The following LOC128706666 variants were observed in gnomAD, a reference collection of about 807,000 sequenced individuals.
At chr20:10,424,225 C>T in the LOC128706666 span, among the ~76,000 whole-genome samples, 1 of 151,638 alleles carries the variant, frequency 6.6e-6, no homozygotes, top group Non-Finnish European at 1.5e-5. Context: ...GAGACCTCAT[C>T]TCTATTTTAA....
At chr20:10,417,025 G>A in the LOC128706666 span, among the ~76,000 whole-genome samples, 2 of 152,034 alleles carry the variant, frequency 1.3e-5, no homozygotes, top group Non-Finnish European at 1.5e-5. Flanking sequence ...ATAATGAATA[G>A]TCGCTAATAA....
the LOC128706666 span, among the ~76,000 whole-genome samples, chr20:10,433,208 G>C: frequency 6.6e-6 from 1 of 152,214 alleles, no homozygotes; most frequent in African/African-American, 2.4e-5. Flanking sequence ...GTTTCGCCAC[G>C]TTGGCCTGGC....
chr20:10,434,154 C>T, the LOC128706666 span: 20 of 152,702 alleles, frequency 1.3e-4, no homozygotes, highest in African/African-American at 4.6e-4. Context: ...CGCCAGAGGC[C>T]CCAGAAACAG....
At chr20:10,414,182 A>G in the LOC128706666 span, among the ~76,000 whole-genome samples, 1 of 152,132 alleles carries the variant, frequency 6.6e-6, no homozygotes, top group African/African-American at 2.4e-5. Flanking sequence ...ATGGCTAGAA[A>G]GCTTACAGCA....
At chr20:10,430,919 T>G in the LOC128706666 span, among the ~76,000 whole-genome samples, 1 of 152,226 alleles carries the variant, frequency 6.6e-6, no homozygotes, top group Admixed American at 6.5e-5. Context: ...AACAACGTTT[T>G]ACATAAGAGC....
chr20:10,432,075 C>T, the LOC128706666 span, among the ~76,000 whole-genome samples: 6 of 152,334 alleles, frequency 3.9e-5, no homozygotes, highest in African/African-American at 1.4e-4. Context: ...TGCCAGCCTC[C>T]GTCCATGATT....
the LOC128706666 span, among the ~76,000 whole-genome samples, chr20:10,414,560 C>T: frequency 1.3e-5 from 2 of 152,018 alleles, no homozygotes; most frequent in South Asian, 2.1e-4. Context: ...CCACTGTGCC[C>T]GGCAAGTCTC....
the LOC128706666 span, among the ~76,000 whole-genome samples, chr20:10,427,029 GACACACACACAC>G: frequency 0.21 from 27,606 of 130,648 alleles, 3,583 homozygotes; most frequent in Non-Finnish European, 0.28. Flanking sequence ...AGAAAACACT[GACACACACACAC>G]ACACACACAC....
the LOC128706666 span, among the ~76,000 whole-genome samples, chr20:10,414,471 GC>G: frequency 6.6e-6 from 1 of 151,916 alleles, no homozygotes; most frequent in Non-Finnish European, 1.5e-5. Context: ...CTCCATGTTT[GC>G]CAGGTTGGTC....
At chr20:10,418,789 A>G in the LOC128706666 span, among the ~76,000 whole-genome samples, 1 of 152,132 alleles carries the variant, frequency 6.6e-6, no homozygotes, top group Non-Finnish European at 1.5e-5. Flanking sequence ...ACTTCTTGTC[A>G]TAAGTACAAT....
the LOC128706666 span, among the ~76,000 whole-genome samples, chr20:10,427,274 T>C: frequency 6.6e-6 from 1 of 152,238 alleles, no homozygotes; most frequent in African/African-American, 2.4e-5. Flanking sequence ...TTTTGCCTAT[T>C]GGGCTTGCTG....
At chr20:10,428,793 G>A in the LOC128706666 span, among the ~76,000 whole-genome samples, 3 of 152,122 alleles carry the variant, frequency 2.0e-5, no homozygotes, top group Non-Finnish European at 4.4e-5. Flanking sequence ...ACAGTGAGTC[G>A]AGATCGCGCC....
chr20:10,421,182 C>T, the LOC128706666 span, among the ~76,000 whole-genome samples: 1 of 152,096 alleles, frequency 6.6e-6, no homozygotes. Context: ...GTATTCCCAG[C>T]ACTTTGGGAG....
chr20:10,430,044 AACAAAAACAAAAAC>A, the LOC128706666 span, among the ~76,000 whole-genome samples: 1 of 151,920 alleles, frequency 6.6e-6, no homozygotes, highest in African/African-American at 2.4e-5. Flanking sequence ...AAAACAAAAA[AACAAAAACAAAAAC>A]AAATCTGGTT....
chr20:10,418,613 A>C, the LOC128706666 span, among the ~76,000 whole-genome samples: 1 of 152,092 alleles, frequency 6.6e-6, no homozygotes, highest in Non-Finnish European at 1.5e-5. Flanking sequence ...CTGGCATCTA[A>C]AATCTCTTAC....
the LOC128706666 span, among the ~76,000 whole-genome samples, chr20:10,433,160 C>T: frequency 6.6e-5 from 10 of 152,250 alleles, no homozygotes; most frequent in African/African-American, 2.4e-4. Flanking sequence ...TGCGCCACTG[C>T]GCCCGGCTCA....
At chr20:10,427,202 C>G in the LOC128706666 span, among the ~76,000 whole-genome samples, 1 of 152,122 alleles carries the variant, frequency 6.6e-6, no homozygotes, top group Non-Finnish European at 1.5e-5. Context: ...TTTTTAATTG[C>G]TTCCTGCAAA....
the LOC128706666 span, among the ~76,000 whole-genome samples, chr20:10,427,654 G>A: frequency 2.2e-3 from 331 of 152,292 alleles, 1 homozygote; most frequent in African/African-American, 7.2e-3. Flanking sequence ...AAGACTGCAC[G>A]TGGTCTTCAA....
the LOC128706666 span, among the ~76,000 whole-genome samples, chr20:10,425,198 T>A: frequency 6.6e-6 from 1 of 152,344 alleles, no homozygotes; most frequent in South Asian, 2.1e-4. Context: ...AAAAATGTGA[T>A]CATGATACAC....
Sources: gnomAD v4.1 joint callset for allele counts (sites outside exome capture counted in the v4.1 genomes callset) on GRCh38, gnomAD v4.1.1 for gene constraint, MANE v1.5 for transcripts.